Variants in PLIN1 observed in about 807,000 individuals in gnomAD.
The protein encoded by PLIN1 is perilipin-1.
In PLIN1, 37 loss-of-function variants were observed where a neutral mutation model predicts 45.8. The ratio of observed to expected loss-of-function variants is 0.81; its 90% CI spans 0.62 to 1.06. The LOEUF (loss-of-function observed/expected upper bound fraction) is 1.06. PLIN1 is among the 50% of genes least tolerant of loss of function. PLIN1 has a pLI of 0.00. For missense variants in PLIN1, 776 were observed against 716.5 expected, an observed-to-expected ratio of 1.08 and a Z score of -0.95; for synonymous variants, 340 against 309.2, an observed-to-expected ratio of 1.10 and a Z score of -1.05.
intron 2 of PLIN1, 175 bp downstream of exon 2, chr15:89,677,270 C>T (rs1964533704): frequency 1.5e-6 from 1 of 689,470 alleles, no homozygotes; most frequent in South Asian, 1.7e-5. Flanking sequence ...CCCAGATCCT[C>T]CAACTGCCCC....
chr15:89,677,483 C>T lies in PLIN1; in HGVS notation c.7G>A (p.Val3Ile), dbSNP rs1964536802. 1 of 1,614,060 alleles carries T rather than the reference C, an allele frequency of 6.2e-7. No homozygotes were observed. The highest frequency in any genetic ancestry group is 8.5e-7 in the Non-Finnish European group (1 of 1,179,946). The change falls in exon 2 of 9, where the codon GTC becomes ATC. Residue 3 changes from valine to isoleucine, a missense_variant. Transcript: ENST00000300055. The stretch of plus-strand genomic sequence containing the variant: ...TCCAGCAAGGTGAGGCCTTTGTTGA[C>T]TGCCATCCTCGCTCCTCAAGCTGCA... MA[V>I]NKGLTLLDGD...
chr15:89,665,834 A>T lies in PLIN1; in HGVS notation c.1318T>A (p.Ser440Thr). ...CGCGGGGCGGGCTCCGGGCCGGCGG[A>T]CGGCGCCCCAGACGCTCTGCGCTCC... ...EAERRASGAP[S>T]AGPEPAPRLA... The change falls in exon 9 of 9, where the codon TCC becomes ACC. Residue 440 changes from serine (S) to threonine (T), a missense_variant. Transcript: ENST00000300055. The T allele has an allele frequency of 2.1e-6, 3 of 1,424,512 alleles. No individual in the cohort carries two copies. The highest frequency in any genetic ancestry group is 2.8e-6 in the Non-Finnish European group (3 of 1,088,018). The allele number at this position is 1,424,512 out of a possible 1,614,324, so 88.2% of individuals were successfully genotyped here.
At chr15:89,677,099 C>A (rs1964530554) in intron 2 of PLIN1, 1 of 393,094 alleles carries the variant, frequency 2.5e-6, no homozygotes, top group African/African-American at 2.1e-5. Context: ...AGTGGCTCTG[C>A]ACTGAATGCA....
intron 5 of PLIN1, 67 bp from the exon 6 acceptor site, chr15:89,669,739 T>C: frequency 6.8e-7 from 1 of 1,470,730 alleles, no homozygotes; most frequent in Non-Finnish European, 9.4e-7. Flanking sequence ...ATCTGGGTCA[T>C]GTCTAGGACT....
At chr15:89,670,302 C>T in intron 4 of PLIN1, 58 bp from the exon 5 acceptor site, 1 of 1,560,110 alleles carries the variant, frequency 6.4e-7, no homozygotes, top group Non-Finnish European at 8.7e-7. Flanking sequence ...ACAAGGGCTG[C>T]CCTTCCGGGG....
intron 6 of PLIN1, among the ~76,000 whole-genome samples, chr15:89,668,784 T>C (rs1259028159): frequency 1.3e-5 from 2 of 152,258 alleles, no homozygotes; most frequent in Non-Finnish European, 2.9e-5. Context: ...GGGGCAACAC[T>C]TGCTTGAATG....
rs969537805 is a variant in PLIN1, at chr15:89,674,482, C to T, written c.46-1068G>A. 2.0e-5 allele frequency among the ~76,000 whole-genome samples: 3 copies of T among 152,052 alleles called. No homozygotes were observed. In the South Asian group the frequency reaches 6.2e-4, roughly 32 times the overall value. The stretch of plus-strand genomic sequence containing the variant: ...TCTTGAACTCCTGGACTCAAGTGAT[C>T]CTTCTGCCTCAGCCTCCCAAATCAC... On this transcript the variant is annotated intron_variant, in intron 2 of 8. Transcript: ENST00000300055.
intron 8 of PLIN1, 45 bp from the exon 9 acceptor site, chr15:89,665,987 C>A: frequency 1.5e-6 from 2 of 1,378,784 alleles, no homozygotes; most frequent in Non-Finnish European, 1.9e-6. Flanking sequence ...TGGCCCTGGG[C>A]CCTGCGCCTC....
At chr15:89,666,839 A>G in intron 8 of PLIN1, 97 bp downstream of exon 8, 1 of 1,411,536 alleles carries the variant, frequency 7.1e-7, no homozygotes, top group South Asian at 1.2e-5. Context: ...GGAGTAGGGG[A>G]AAGGAGGGGG....
chr15:89,673,363 T>G lies in PLIN1; in HGVS notation c.97A>C (p.Thr33Pro), dbSNP rs962003217. 14 of 1,604,116 alleles carry G rather than the reference T, an allele frequency of 8.7e-6. No individual in the cohort carries two copies. Among genetic ancestry groups the G allele is most frequent in the Admixed American group, 1.7e-5 (1 of 58,838 alleles). The change falls in exon 3 of 9, where the codon ACC becomes CCC. Residue 33 changes from threonine to proline, a missense_variant. Coordinates refer to ENST00000300055, the MANE Select transcript of PLIN1 (RefSeq NM_002666.5). ...RVLQLPVVSG[T>P]CECFQKTYTS... ...TAGGTCTTCTGGAAGCATTCGCAGG[T>G]GCCACTCACCACCGGCAGCTGCAGG...
chr15:89,670,249 G>T lies in PLIN1; in HGVS notation c.334-5C>A, dbSNP rs763710972. 1.2e-6 allele frequency: 2 copies of T among 1,609,174 alleles called. No individual in the cohort carries two copies. Among genetic ancestry groups the T allele is most frequent in the South Asian group, 2.2e-5 (2 of 90,554 alleles). ...GTCCTTCAGCTCAGAAGCAATCTGG[G>T]GGAAGTTGGTGGGGGTGTTAGGCAT... is the stretch of plus-strand genomic sequence containing the variant. On this transcript the variant is annotated splice_polypyrimidine_tract_variant and splice_region_variant and intron_variant, in intron 4 of 8. Coordinates refer to ENST00000300055, the MANE Select transcript of PLIN1 (RefSeq NM_002666.5).
At chr15:89,670,293 C>T (rs770866784) in intron 4 of PLIN1, 49 bp from the exon 5 acceptor site, 49 of 1,578,134 alleles carry the variant, frequency 3.1e-5, no homozygotes, top group East Asian at 6.8e-5. Context: ...GCAGGCCCTA[C>T]AAGGGCTGCC....
At chr15:89,666,526 C>T (rs1276407822) in intron 8 of PLIN1, among the ~76,000 whole-genome samples, 1 of 152,174 alleles carries the variant, frequency 6.6e-6, no homozygotes, top group Non-Finnish European at 1.5e-5. Flanking sequence ...TGGGTGGAGC[C>T]TGCTGCTGTC....
rs75180875 is a variant in PLIN1, at chr15:89,671,199, G to A, written c.333+283C>T. Among the ~76,000 whole-genome samples, 1,221 of 152,308 alleles carry A rather than the reference G, an allele frequency of 8.0e-3. 25 individuals are homozygous for A. The highest frequency in any genetic ancestry group is 0.028 in the African/African-American group (1,164 of 41,560). ...GCAGACTATGGAACCTCAGATCCCA[G>A]GGTGCGGTATCGGGAGGCAGTGGGA... On this transcript the variant is annotated intron_variant, in intron 4 of 8. Coordinates refer to ENST00000300055, the MANE Select transcript of PLIN1 (RefSeq NM_002666.5).
intron 7 of PLIN1, 89 bp downstream of exon 7, chr15:89,667,513 G>A: frequency 1.2e-6 from 2 of 1,602,060 alleles, no homozygotes; most frequent in Non-Finnish European, 1.7e-6. Flanking sequence ...CCCTGCATCT[G>A]GGGCAGAGGC....
At chr15:89,675,106 A>T (rs1715802058) in intron 2 of PLIN1, among the ~76,000 whole-genome samples, 1 of 152,058 alleles carries the variant, frequency 6.6e-6, no homozygotes, top group Non-Finnish European at 1.5e-5. Context: ...ACAGAATGAC[A>T]CCCTGTCTCA....
Position 89,667,044 on chromosome 15 carries a change from G to C in PLIN1, c.1101C>G (p.Leu367=). Residue 367 remains leucine, a synonymous_variant, in exon 8 of 9, where the codon CTC becomes CTG. Transcript: ENST00000300055. Reference sequence around the variant, plus strand: ...TTGAGGAGACAGCAGGGGCTGGTGTGAGGTGCAGCACCCTCCCTGCCATGC... The same window carrying C: ...TTGAGGAGACAGCAGGGGCTGGTGTCAGGTGCAGCACCCTCCCTGCCATGC... ...VLGMAGRVLH[L]TPAPAVSSTK... 1.9e-6 allele frequency: 3 copies of C among 1,614,136 alleles called. No homozygotes were observed. Among genetic ancestry groups the C allele is most frequent in the Non-Finnish European group, 2.5e-6 (3 of 1,179,992 alleles).
Position 89,670,048 on chromosome 15 carries a change from GC to G in PLIN1, c.529del (p.Ala177ProfsTer43). ...CTCAATGCTGCCCAAGGCCAAGTCGGCCCCTCCAGAAGCCAGTCGGCCAGCT... is the reference window on the plus strand; with the variant it reads ...CTCAATGCTGCCCAAGGCCAAGTCGGCCCTCCAGAAGCCAGTCGGCCAGCT... ...TRAGRLASGG[A>X]DLALGSIEKV... On this transcript the variant is annotated frameshift_variant, in exon 5 of 9. Coordinates refer to ENST00000300055, the MANE Select transcript of PLIN1 (RefSeq NM_002666.5). LOFTEE classifies it high-confidence loss of function. 6.2e-7 allele frequency: 1 copy of G among 1,613,972 alleles called. No homozygotes were observed. Among genetic ancestry groups the G allele is most frequent in the Non-Finnish European group, 8.5e-7 (1 of 1,179,948 alleles).
chr15:89,677,218 T>A (rs1251012832), intron 2 of PLIN1: 2 of 591,240 alleles, frequency 3.4e-6, no homozygotes, highest in East Asian at 2.8e-5. Context: ...TGTCCCTTTT[T>A]TTCAAGGTGC....
Sources: allele counts gnomAD v4.1 joint callset (sites outside exome capture counted in the v4.1 genomes callset), GRCh38; gene constraint gnomAD v4.1.1; transcripts MANE v1.5; gene names NCBI Gene and HGNC (gene_info 2026-07-23, HGNC 2026-07-21).